The following ANO4 variants were observed in gnomAD, a reference collection of about 807,000 sequenced individuals.
ANO4 encodes anoctamin 4.
A neutral mutation model predicts 141.9 loss-of-function variants in ANO4; 69 were observed. The observed-to-expected ratio is 0.49, with a 90% CI of 0.40 to 0.59. The LOEUF (loss-of-function observed/expected upper bound fraction) is 0.59, where lower values mean the gene tolerates loss of function less well. ANO4 is among the 20% of genes least tolerant of loss of function. The probability of loss-of-function intolerance (pLI) is 0.00; values close to 1 mark genes in which losing one functional copy is unlikely to be tolerated. For synonymous variants in ANO4, 350 were observed against 394.3 expected (o/e 0.89, Z 1.33); for missense variants, 894 against 1,162.2 (o/e 0.77, Z 3.36).
In ANO4 at chr12:100,806,523, C is replaced by CCTTTT. The variant is rs1593379234; in HGVS notation, c.-141+11496_-141+11497insCTTTT. Among the ~76,000 whole-genome samples, 8 of 44,956 alleles carry CCTTTT rather than the reference C, an allele frequency of 1.8e-4. 1 individual carries two copies. The highest frequency in any genetic ancestry group is 5.9e-4 in the African/African-American group (8 of 13,644). The allele number at this position is 44,956 out of a possible 152,430, so 29.5% of individuals were successfully genotyped here. On this transcript the variant is annotated intron_variant, in intron 1 of 27. Coordinates refer to ENST00000392977, the MANE Select transcript of ANO4 (RefSeq NM_001286615.2). ...TTTTTAGGAGGTTTTTTTTTTGTTT[C>CCTTTT]GTTTTTTTTTTTTTTTTTTTTTTTT...
At chr12:100,910,137 T>C (rs2041034874) in intron 2 of ANO4, among the ~76,000 whole-genome samples, 1 of 152,184 alleles carries the variant, frequency 6.6e-6, no homozygotes, top group African/African-American at 2.4e-5. Flanking sequence ...TACATAGCCT[T>C]GTTATGGCAA....
intron 5 of ANO4, among the ~76,000 whole-genome samples, chr12:100,943,699 G>A (rs987827026): frequency 6.7e-6 from 1 of 150,334 alleles, no homozygotes; most frequent in African/African-American, 2.4e-5. Context: ...GAGGTTCCCT[G>A]GTACAACAAA....
intron 2 of ANO4, among the ~76,000 whole-genome samples, chr12:100,904,026 A>G (rs1213509557): frequency 3.9e-5 from 6 of 152,140 alleles, no homozygotes; most frequent in African/African-American, 1.4e-4. Context: ...TTGCTCTGTT[A>G]TCTTTGAACA....
At position 100,891,241 on chromosome 12, in the gene ANO4, T is replaced by C. The variant is rs148299827; in HGVS notation, c.-140-10405T>C. 7.7e-3 allele frequency among the ~76,000 whole-genome samples: 1,178 copies of C among 152,360 alleles called. 15 individuals are homozygous for C. Among genetic ancestry groups the C allele is most frequent in the African/African-American group, 0.027 (1,111 of 41,582 alleles). Reference sequence around the variant, plus strand: ...TACCTACTGAAGGACATCTTGGTTGTTTCCAAGTTTTGGCAATTATGAATA... The same window carrying C: ...TACCTACTGAAGGACATCTTGGTTGCTTCCAAGTTTTGGCAATTATGAATA... On this transcript the variant is annotated intron_variant, in intron 1 of 27. Coordinates refer to ENST00000392977, the MANE Select transcript of ANO4 (RefSeq NM_001286615.2).
chr12:100,984,657 A>G (rs923113611), intron 7 of ANO4, among the ~76,000 whole-genome samples: 5 of 152,178 alleles, frequency 3.3e-5, no homozygotes, highest in African/African-American at 1.2e-4. Context: ...CTGAAGGGTA[A>G]ATAACTTGTG....
At chr12:100,884,466 A>G (rs1336379062) in intron 1 of ANO4, among the ~76,000 whole-genome samples, 1 of 152,296 alleles carries the variant, frequency 6.6e-6, no homozygotes, top group East Asian at 1.9e-4. Flanking sequence ...CTGATGGACC[A>G]GGGGCATTTT....
intron 1 of ANO4, among the ~76,000 whole-genome samples, chr12:100,836,076 T>C (rs1289842182): frequency 2.6e-5 from 4 of 152,152 alleles, no homozygotes; most frequent in Admixed American, 2.0e-4. Flanking sequence ...TAATATTCTG[T>C]GTGCTGAACT....
At chr12:100,922,944 G>C (rs1242352517) in intron 3 of ANO4, among the ~76,000 whole-genome samples, 1 of 152,092 alleles carries the variant, frequency 6.6e-6, no homozygotes, top group Non-Finnish European at 1.5e-5. Context: ...GAGGATGGGT[G>C]ATGCGGTGTC....
intron 13 of ANO4, among the ~76,000 whole-genome samples, chr12:101,047,533 G>A (rs2047681109): frequency 6.6e-6 from 1 of 151,910 alleles, no homozygotes; most frequent in South Asian, 2.1e-4. Flanking sequence ...GTGCATTCTC[G>A]AAGGAACAAT....
intron 3 of ANO4, among the ~76,000 whole-genome samples, chr12:100,747,206 A>T (rs2135487030): frequency 6.6e-6 from 1 of 152,306 alleles, no homozygotes. Flanking sequence ...TAGTGGCAGA[A>T]GTCTGGTACC....
chr12:100,998,401 A>ATCTATCTC (rs1180497157), intron 8 of ANO4, among the ~76,000 whole-genome samples: 3 of 151,570 alleles, frequency 2.0e-5, no homozygotes, highest in African/African-American at 7.3e-5. Context: ...CTATCTATCT[A>ATCTATCTC]TCTATCTATC....
chr12:100,838,517 G>A (rs1406761295), intron 1 of ANO4, among the ~76,000 whole-genome samples: 1 of 152,136 alleles, frequency 6.6e-6, no homozygotes, highest in Non-Finnish European at 1.5e-5. Flanking sequence ...CTTTGTCAAG[G>A]GAAAGAGATT....
intron 3 of ANO4, among the ~76,000 whole-genome samples, chr12:100,923,997 C>A (rs2041756636): frequency 6.6e-6 from 1 of 151,572 alleles, no homozygotes; most frequent in Non-Finnish European, 1.5e-5. Flanking sequence ...TGTTTTTTTT[C>A]TTGTAAATTT....
intron 1 of ANO4, among the ~76,000 whole-genome samples, chr12:100,829,754 T>C (rs981518005): frequency 3.3e-5 from 5 of 152,106 alleles, no homozygotes; most frequent in Admixed American, 2.0e-4. Context: ...TAAAATATAG[T>C]GAGCTGCACA....
chr12:100,906,606 A>T (rs1240373077), intron 2 of ANO4, among the ~76,000 whole-genome samples: 1 of 152,218 alleles, frequency 6.6e-6, no homozygotes, highest in Non-Finnish European at 1.5e-5. Context: ...AGAGGCCAAG[A>T]TGTGAAAATG....
intron 3 of ANO4, among the ~76,000 whole-genome samples, chr12:100,938,919 T>C (rs1190501030): frequency 2.0e-5 from 3 of 152,120 alleles, no homozygotes; most frequent in African/African-American, 4.8e-5. Flanking sequence ...ATACGACACT[T>C]AAATGAAAAA....
chr12:100,885,514 G>GTTTATTGGGTTGT (rs2039784887), intron 1 of ANO4: 2 of 152,222 alleles, frequency 1.3e-5, no homozygotes, highest in Non-Finnish European at 2.9e-5. Flanking sequence ...TGGGTTCAAA[G>GTTTATTGGGTTGT]CTAGGCTGTG....
chr12:100,928,135 A>G (rs1298355751), intron 3 of ANO4, among the ~76,000 whole-genome samples: 1 of 132,234 alleles, frequency 7.6e-6, no homozygotes, highest in Non-Finnish European at 1.6e-5. Flanking sequence ...TGGTCATGCC[A>G]TTTCAGAGGA....
chr12:101,069,125 G>T (rs570192142), intron 14 of ANO4: 147 of 1,305,476 alleles, frequency 1.1e-4, no homozygotes, highest in Non-Finnish European at 1.5e-4. Context: ...ACGGAAGAAA[G>T]TGGCAGCATT....
Sources: gnomAD v4.1 joint callset for allele counts (sites outside exome capture counted in the v4.1 genomes callset) on GRCh38, gnomAD v4.1.1 for gene constraint, MANE v1.5 for transcripts, NCBI Gene and HGNC (gene_info 2026-07-23, HGNC 2026-07-21) for gene names.